OPA1: variants seen among roughly 807,000 people sequenced by gnomAD.
The protein encoded by OPA1 is dynamin-like GTPase OPA1, mitochondrial.
In OPA1, 59 loss-of-function variants were observed where a neutral mutation model predicts 152.9. That is an observed-to-expected ratio of 0.39 (90% CI 0.31 to 0.48). The LOEUF (loss-of-function observed/expected upper bound fraction) is 0.48, where lower values mean the gene tolerates loss of function less well. Among genes scored for constraint, OPA1 ranks in the 20% least tolerant of loss-of-function variants. The pLI is 0.96. For synonymous variants in OPA1, 400 were observed against 389.9 expected, an observed-to-expected ratio of 1.03 and a Z score of -0.31; for missense variants, 1,008 against 1,216.8, an observed-to-expected ratio of 0.83 and a Z score of 2.55.
chr3:193,607,555 G>T (rs1239219645), intron 1 of OPA1, among the ~76,000 whole-genome samples: 2 of 152,282 alleles, frequency 1.3e-5, no homozygotes, highest in Middle Eastern at 3.4e-3. Context: ...TGTCAGGTTT[G>T]TCAAAGATCA....
chr3:193,657,971 C>T (rs112796964), intron 23 of OPA1, among the ~76,000 whole-genome samples: 15 of 152,180 alleles, frequency 9.9e-5, no homozygotes, highest in African/African-American at 3.4e-4. Context: ...TATGGCCGGG[C>T]GTGGTGGCTC....
chr3:193,671,958 A>G (rs1364402167), intron 29 of OPA1, among the ~76,000 whole-genome samples: 2 of 152,196 alleles, frequency 1.3e-5, no homozygotes, highest in African/African-American at 4.8e-5. Flanking sequence ...ACCCATACTT[A>G]GAATTGTCTG....
At chr3:193,675,868 T>C (rs1718888649) in intron 29 of OPA1, among the ~76,000 whole-genome samples, 1 of 152,246 alleles carries the variant, frequency 6.6e-6, no homozygotes, top group African/African-American at 2.4e-5. Flanking sequence ...GACTGTTCAT[T>C]AGCCCCCTTC....
chr3:193,617,667 C>A (rs1001310766), intron 4 of OPA1, 117 bp from the exon 5 acceptor site: 1 of 775,584 alleles, frequency 1.3e-6, no homozygotes, highest in South Asian at 1.4e-5. Flanking sequence ...TTAATCCTGG[C>A]ATATTTGCCC....
chr3:193,657,036 GTATGTAGTAA>G (rs1223771798), intron 22 of OPA1, 34 bp from the exon 23 acceptor site: 3 of 1,524,518 alleles, frequency 2.0e-6, no homozygotes, highest in Non-Finnish European at 2.7e-6. Flanking sequence ...AACCATTGAA[GTATGTAGTAA>G]TAATATGGCT....
intron 29 of OPA1, among the ~76,000 whole-genome samples, chr3:193,679,075 AAC>A (rs894783848): frequency 4.6e-5 from 7 of 152,108 alleles, no homozygotes; most frequent in African/African-American, 1.7e-4. Context: ...GTGGGAATTG[AAC>A]ATTGAGAACA....
chr3:193,630,236 A>G (rs989344161), intron 7 of OPA1, among the ~76,000 whole-genome samples: 2 of 150,108 alleles, frequency 1.3e-5, no homozygotes, highest in African/African-American at 4.9e-5. Context: ...GTCAAAATGA[A>G]AAAAAGCTTC....
chr3:193,613,939 G>C, intron 1 of OPA1: 1 of 518,866 alleles, frequency 1.9e-6, no homozygotes, highest in South Asian at 1.4e-5. Flanking sequence ...TAACTACTTA[G>C]AATCAGACTG....
chr3:193,644,075 G>A lies in OPA1; in HGVS notation c.1578G>A (p.Leu526=). 1.2e-6 allele frequency: 2 copies of A among 1,613,674 alleles called. No individual in the cohort carries two copies. Among genetic ancestry groups the A allele is most frequent in the Non-Finnish European group, 1.7e-6 (2 of 1,179,802 alleles). ...RTIFVLTKVD[L]AEKNVASPSR... is the part of the protein sequence containing the mutation. ...TATTCGTTTTGACCAAAGTAGACCT[G>A]GCAGAGAAAAATGTAGCCAGTCCAA... Residue 526 remains leucine (L), a synonymous_variant, in exon 16 of 31, where the codon CTG becomes CTA. Coordinates refer to ENST00000361510, the MANE Select transcript of OPA1 (RefSeq NM_130837.3).
At position 193,673,211 on chromosome 3, in the gene OPA1, T is replaced by C. The variant is rs572975468; in HGVS notation, c.2983+5931T>C. Reference sequence around the variant, plus strand: ...AGTAAAAACTCAAGCCTTTGGAAAATATGATGACATAAAATTGTCCTTTAT... The same window carrying C: ...AGTAAAAACTCAAGCCTTTGGAAAACATGATGACATAAAATTGTCCTTTAT... On this transcript the variant is annotated intron_variant, in intron 29 of 30. Coordinates refer to ENST00000361510, the MANE Select transcript of OPA1 (RefSeq NM_130837.3). Among the ~76,000 whole-genome samples, 5 of 152,274 alleles carry C rather than the reference T, an allele frequency of 3.3e-5. No individual in the cohort carries two copies. The South Asian group carries it at 1.0e-3, about 32-fold the overall frequency.
At chr3:193,600,314 T>A (rs1055918331) in intron 1 of OPA1, among the ~76,000 whole-genome samples, 2 of 152,160 alleles carry the variant, frequency 1.3e-5, no homozygotes, top group African/African-American at 4.8e-5. Context: ...CTCACACATC[T>A]TCTTTGGTGT....
chr3:193,612,885 G>A (rs1728472119), intron 1 of OPA1, among the ~76,000 whole-genome samples: 2 of 152,152 alleles, frequency 1.3e-5, no homozygotes, highest in South Asian at 4.1e-4. Flanking sequence ...AACTCGGAGA[G>A]CTCAAAACAC....
In OPA1 at chr3:193,664,901, G is replaced by A. The variant is rs905919862; in HGVS notation, c.2683G>A (p.Val895Ile). The change falls in exon 27 of 31, where the codon GTT becomes ATT. Residue 895 changes from valine (V) to isoleucine (I), a missense_variant. Transcript: ENST00000361510. Reference protein sequence around the residue: ...PSLIKDTWHQVYRRHFLKTAL... With the variant: ...PSLIKDTWHQIYRRHFLKTAL... ...TTAGATTAAGGATACTTGGCATCAA[G>A]TTTATAGAAGACATTTTTTAAAAAC... 3.1e-6 allele frequency: 5 copies of A among 1,593,738 alleles called. No homozygotes were observed. In the African/African-American group the frequency reaches 6.7e-5, roughly 21 times the overall value.
At chr3:193,600,835 C>A (rs1233658706) in intron 1 of OPA1, among the ~76,000 whole-genome samples, 2 of 152,294 alleles carry the variant, frequency 1.3e-5, no homozygotes, top group South Asian at 2.1e-4. Flanking sequence ...TTAGTTGCTC[C>A]TATAAACATA....
At chr3:193,623,028 G>T (rs184327656) in intron 6 of OPA1, among the ~76,000 whole-genome samples, 7 of 152,258 alleles carry the variant, frequency 4.6e-5, no homozygotes, top group African/African-American at 1.7e-4. Flanking sequence ...GCTTAAGTAG[G>T]ACTTGCTTTT....
chr3:193,643,046 T>G lies in OPA1; in HGVS notation c.1302T>G (p.Pro434=), dbSNP rs139861334. The part of the protein sequence containing the change: ...KNVKEGCTVS[P]ETISLNVKGP... Reference sequence around the variant, plus strand: ...TGAAAGAAGGCTGTACCGTTAGCCCTGAGGTAAGGGTTGCAATTCATTTCA... The same window carrying G: ...TGAAAGAAGGCTGTACCGTTAGCCCGGAGGTAAGGGTTGCAATTCATTTCA... The change falls in exon 13 of 31, where the codon CCT becomes CCG. Residue 434 remains proline, a synonymous_variant. Coordinates refer to ENST00000361510, the MANE Select transcript of OPA1 (RefSeq NM_130837.3). The G allele has an allele frequency of 6.3e-4, 1,014 of 1,609,126 alleles. 1 individual carries two copies. Among genetic ancestry groups the G allele is most frequent in the Non-Finnish European group, 8.0e-4 (935 of 1,175,510 alleles).
chr3:193,614,005 G>T, intron 1 of OPA1: 1 of 518,294 alleles, frequency 1.9e-6, no homozygotes, highest in Non-Finnish European at 3.9e-6. Flanking sequence ...ATGCAACTAT[G>T]AGTGTATGTT....
intron 29 of OPA1, among the ~76,000 whole-genome samples, chr3:193,687,587 A>G (rs954806626): frequency 6.6e-6 from 1 of 152,240 alleles, no homozygotes; most frequent in African/African-American, 2.4e-5. Context: ...TGAAATAGTT[A>G]CAATAATATT....
intron 1 of OPA1, among the ~76,000 whole-genome samples, chr3:193,596,390 CTGTTCTTTTCTTTTCTT>C (rs1197278712): frequency 5.9e-5 from 4 of 67,456 alleles, no homozygotes; most frequent in African/African-American, 1.2e-4. Context: ...CTTTTCTTTT[CTGTTCTTTTCTTTTCTT>C]TTCTTTTCTT....
Sources: gnomAD v4.1 joint callset for allele counts (sites outside exome capture counted in the v4.1 genomes callset) on GRCh38, gnomAD v4.1.1 for gene constraint, MANE v1.5 for transcripts, NCBI Gene and HGNC (gene_info 2026-07-23, HGNC 2026-07-21) for gene names.